The following ELMO1 variants were observed in gnomAD, a reference collection of about 807,000 sequenced individuals.
ELMO1 encodes engulfment and cell motility protein 1.
Under a neutral mutation model 98.9 loss-of-function variants are expected in ELMO1, and 26 were observed. That is an observed-to-expected ratio of 0.26 (90% CI 0.19 to 0.36). The LOEUF is 0.36. Ranked by LOEUF, ELMO1 falls within the 10% of genes least tolerant of loss-of-function variation. The probability of loss-of-function intolerance (pLI) is 1.00; values close to 1 mark genes in which losing one functional copy is unlikely to be tolerated. For synonymous variants in ELMO1, 346 were observed against 346.0 expected, an observed-to-expected ratio of 1.00 and a Z score of 0.00; for missense variants, 627 against 935.2, an observed-to-expected ratio of 0.67 and a Z score of 4.30.
intron 1 of ELMO1, among the ~76,000 whole-genome samples, chr7:37,440,392 C>T (rs1182882000): frequency 6.7e-6 from 1 of 148,748 alleles, no homozygotes; most frequent in Non-Finnish European, 1.5e-5. Context: ...CAGTGAGCCA[C>T]GATCGTGCCA....
chr7:37,266,311 T>C (rs17257140), intron 5 of ELMO1, among the ~76,000 whole-genome samples: 7,469 of 152,200 alleles, frequency 0.049, 251 homozygotes, highest in Middle Eastern at 0.071. Flanking sequence ...TCCGATAACC[T>C]GAATCCACAC....
chr7:37,236,782 C>A (rs558887465), intron 7 of ELMO1, among the ~76,000 whole-genome samples: 3 of 152,224 alleles, frequency 2.0e-5, no homozygotes, highest in African/African-American at 7.2e-5. Flanking sequence ...GATTCAATCA[C>A]CTCTTTCAAG....
rs189270657 is a variant in ELMO1, at chr7:37,174,915, C to A, written c.1086+36471G>T. On this transcript the variant is annotated intron_variant, in intron 13 of 21. Coordinates refer to ENST00000310758, the MANE Select transcript of ELMO1 (RefSeq NM_014800.11). ...CCACAAATGCAGTCCCTGAATCCTG[C>A]AGTTTTTCAGCATAAAGCGACATTT... Among the ~76,000 whole-genome samples, 6 of 152,194 alleles carry A rather than the reference C, an allele frequency of 3.9e-5. No individual in the cohort carries two copies. In the East Asian group the frequency reaches 1.2e-3, roughly 29 times the overall value.
chr7:36,918,451 T>G (rs188188167), intron 16 of ELMO1, among the ~76,000 whole-genome samples: 9 of 152,140 alleles, frequency 5.9e-5, no homozygotes, highest in East Asian at 1.9e-4. Context: ...CAGATATGAG[T>G]GTAGAAGGCT....
At chr7:37,395,090 G>A (rs1022228364) in intron 1 of ELMO1, among the ~76,000 whole-genome samples, 1 of 152,254 alleles carries the variant, frequency 6.6e-6, no homozygotes. Flanking sequence ...CCCAGGCTGG[G>A]TGCGGTGGCT....
chr7:37,096,211 A>G (rs1360646911), intron 15 of ELMO1, among the ~76,000 whole-genome samples: 2 of 152,218 alleles, frequency 1.3e-5, no homozygotes, highest in East Asian at 3.8e-4. Context: ...AGAGAATTTC[A>G]TTAAGGTATT....
intron 1 of ELMO1, among the ~76,000 whole-genome samples, chr7:37,428,579 A>T (rs1245711962): frequency 6.6e-6 from 1 of 152,344 alleles, no homozygotes; most frequent in East Asian, 1.9e-4. Context: ...TGTAGCCTAA[A>T]GATCAAAACA....
chr7:36,911,212 G>A (rs1002281890), intron 16 of ELMO1, among the ~76,000 whole-genome samples: 12 of 152,126 alleles, frequency 7.9e-5, no homozygotes, highest in African/African-American at 2.7e-4. Flanking sequence ...AGGGTGCTGA[G>A]ACATTATCTC....
chr7:37,014,751 T>C (rs73688451), intron 15 of ELMO1, among the ~76,000 whole-genome samples: 3,407 of 152,050 alleles, frequency 0.022, 121 homozygotes, highest in African/African-American at 0.078. Flanking sequence ...GAATCTCTTT[T>C]AAGGTCAATT....
intron 2 of ELMO1, among the ~76,000 whole-genome samples, chr7:37,325,474 C>G (rs1326009921): frequency 1.3e-5 from 2 of 152,166 alleles, no homozygotes; most frequent in Non-Finnish European, 2.9e-5. Context: ...TCACAGCAAG[C>G]AGAGGACAGA....
chr7:37,204,337 C>T (rs1005460869), intron 13 of ELMO1: 12 of 420,682 alleles, frequency 2.9e-5, no homozygotes, highest in East Asian at 7.1e-5. Context: ...TTCGTGGTCT[C>T]GCTGACTTCA....
intron 2 of ELMO1, among the ~76,000 whole-genome samples, chr7:37,324,660 C>T (rs1799703389): frequency 2.6e-5 from 4 of 152,180 alleles, no homozygotes; most frequent in Non-Finnish European, 5.9e-5. Context: ...TGACTCACTG[C>T]AGCCTCAACC....
At chr7:37,400,366 A>G (rs1803473498) in intron 1 of ELMO1, among the ~76,000 whole-genome samples, 1 of 152,122 alleles carries the variant, frequency 6.6e-6, no homozygotes, top group Non-Finnish European at 1.5e-5. Flanking sequence ...CACTGGAGTT[A>G]TTTCAAAATT....
At chr7:36,939,477 G>T (rs1786836613) in intron 16 of ELMO1, among the ~76,000 whole-genome samples, 1 of 152,162 alleles carries the variant, frequency 6.6e-6, no homozygotes, top group Admixed American at 6.5e-5. Context: ...CTTCCCGCAG[G>T]CTCTGTGTGT....
At chr7:37,044,889 T>G (rs1378957880) in intron 15 of ELMO1, among the ~76,000 whole-genome samples, 1 of 152,240 alleles carries the variant, frequency 6.6e-6, no homozygotes, top group Non-Finnish European at 1.5e-5. Context: ...TTAGCAGCTA[T>G]GTGCTGTCAC....
intron 3 of ELMO1, among the ~76,000 whole-genome samples, chr7:37,315,664 G>A (rs1484310887): frequency 6.6e-6 from 1 of 152,112 alleles, no homozygotes; most frequent in Non-Finnish European, 1.5e-5. Flanking sequence ...TAGGACAAAA[G>A]GAACACAACT....
At chr7:36,919,943 G>A (rs1300347924) in intron 16 of ELMO1, among the ~76,000 whole-genome samples, 3 of 152,126 alleles carry the variant, frequency 2.0e-5, no homozygotes, top group African/African-American at 4.8e-5. Flanking sequence ...GACTGGGAAC[G>A]CCCTATGAGA....
At chr7:37,116,406 TG>T (rs1402899779) in intron 14 of ELMO1, among the ~76,000 whole-genome samples, 3 of 152,150 alleles carry the variant, frequency 2.0e-5, no homozygotes, top group Non-Finnish European at 2.9e-5. Flanking sequence ...GGGCTGAATT[TG>T]GAGAACTGGG....
At chr7:37,353,944 T>C (rs938359105) in intron 1 of ELMO1, among the ~76,000 whole-genome samples, 1 of 152,238 alleles carries the variant, frequency 6.6e-6, no homozygotes, top group African/African-American at 2.4e-5. Flanking sequence ...CTACCTCCAA[T>C]GTCCTTTCCT....
Sources: allele counts gnomAD v4.1 joint callset (sites outside exome capture counted in the v4.1 genomes callset), GRCh38; gene constraint gnomAD v4.1.1; transcripts MANE v1.5; gene names NCBI Gene and HGNC (gene_info 2026-07-23, HGNC 2026-07-21).